The following TECPR1 variants were observed in gnomAD, a reference collection of about 807,000 sequenced individuals.
The protein encoded by TECPR1 is tectonin beta-propeller repeat-containing protein 1.
TECPR1 carries 122 observed loss-of-function variants against 162.4 expected under a neutral mutation model. That is an observed-to-expected ratio of 0.75 (90% confidence interval 0.65 to 0.87). The LOEUF is 0.87. TECPR1 is among the 40% of genes least tolerant of loss of function. The probability of loss-of-function intolerance (pLI) is 0.00; values close to 1 mark genes in which losing one functional copy is unlikely to be tolerated. For missense variants in TECPR1, 1,432 were observed against 1,618.2 expected (o/e 0.88, Z 1.97); for synonymous variants, 642 against 670.6 (o/e 0.96, Z 0.66).
At chr7:98,234,039 C>T (rs1798528824) in intron 10 of TECPR1, 128 bp from the exon 11 acceptor site, 2 of 1,232,980 alleles carry the variant, frequency 1.6e-6, no homozygotes, top group Non-Finnish European at 2.2e-6. Flanking sequence ...CCTCTCTGAA[C>T]TCCTGTCTCT....
In TECPR1 at chr7:98,246,088, G is replaced by A. The variant is rs1199353367; in HGVS notation, c.59C>T (p.Thr20Ile). ...DLFGRVYTLS[T>I]AGQYWEMCKD... ...GCACATTTCCCAGTACTGGCCTGCT[G>A]TGGACAGCGTGTACACTCTCCCGAA... Residue 20 changes from threonine to isoleucine, a missense_variant, in exon 3 of 26, where the codon ACA becomes ATA. Transcript: ENST00000447648. The A allele has an allele frequency of 1.3e-6, 2 of 1,560,558 alleles. No homozygotes were observed. Among genetic ancestry groups the A allele is most frequent in the Non-Finnish European group, 8.7e-7 (1 of 1,153,166 alleles).
intron 23 of TECPR1, among the ~76,000 whole-genome samples, chr7:98,218,678 T>C (rs1486056045): frequency 1.3e-5 from 2 of 152,172 alleles, no homozygotes; most frequent in Admixed American, 6.5e-5. Flanking sequence ...AAGATCTCTA[T>C]AAGGAGAACT....
rs538822682 is a variant in TECPR1 at position 98,217,434 on chromosome 7, C to A, written c.3454G>T (p.Glu1152Ter). ...RAPRSSSQEQ[E>*]PSAPPEAHGP... ...TGGGCCTCTGGTGGGGCACTCGGCT[C>A]CTGCTCCTGGGACGAGCTCCGGGGG... The change falls in exon 26 of 26, where the codon GAG becomes TAG. Residue 1152 changes from glutamate to a stop codon, truncating the protein, a stop_gained. Transcript: ENST00000447648. LOFTEE classifies it high-confidence loss of function. 6.2e-7 allele frequency: 1 copy of A among 1,609,132 alleles called. No homozygotes were observed. The highest frequency in any genetic ancestry group is 8.5e-7 in the Non-Finnish European group (1 of 1,177,928).
intron 17 of TECPR1, among the ~76,000 whole-genome samples, chr7:98,226,154 G>A (rs530047534): frequency 3.3e-5 from 5 of 152,290 alleles, no homozygotes; most frequent in East Asian, 3.9e-4. Flanking sequence ...GTCCTCCGTC[G>A]GAACTGAGGA....
intron 9 of TECPR1, among the ~76,000 whole-genome samples, 171 bp from the exon 10 acceptor site, chr7:98,237,092 G>C (rs1798623491): frequency 6.6e-6 from 1 of 151,880 alleles, no homozygotes; most frequent in Admixed American, 6.6e-5. Context: ...CTGGAAGGGG[G>C]CTCAGGAGAA....
At chr7:98,224,763 G>A in intron 19 of TECPR1, 38 bp downstream of exon 19, 2 of 1,543,742 alleles carry the variant, frequency 1.3e-6, no homozygotes, top group South Asian at 2.4e-5. Context: ...CTGACATTCA[G>A]GACCCAGCCC....
intron 23 of TECPR1, among the ~76,000 whole-genome samples, chr7:98,220,551 C>T (rs898708278): frequency 1.4e-5 from 2 of 141,848 alleles, no homozygotes; most frequent in African/African-American, 5.3e-5. Flanking sequence ...TAGGTGCGCA[C>T]TACCACATCT....
At position 98,217,046 on chromosome 7, in the gene TECPR1, G is replaced by A. The variant is rs930333780; in HGVS notation, c.*344C>T. 17 of 235,262 alleles carry A rather than the reference G, an allele frequency of 7.2e-5. No homozygotes were observed. Among genetic ancestry groups the A allele is most frequent in the East Asian group, 1.8e-4 (2 of 10,846 alleles). The allele number at this position is 235,262 out of a possible 1,614,324, so 14.6% of individuals were successfully genotyped here. On this transcript the variant is annotated 3_prime_UTR_variant, in exon 26 of 26. Transcript: ENST00000447648. ...ATCCTGGCTCTGCTGCCCCAGGGCC[G>A]GCGTTCCCGGAGGGCTCCAGGTTCC...
chr7:98,243,365 G>A, intron 6 of TECPR1, 102 bp downstream of exon 6: 1 of 1,464,060 alleles, frequency 6.8e-7, no homozygotes, highest in Non-Finnish European at 9.2e-7. Context: ...GGGTGGGGGG[G>A]CCGGGGCTCC....
Position 98,233,476 on chromosome 7 carries a change from T to A in TECPR1, c.1617A>T (p.Gly539=). ...DDHPLWAWVS[G]GGCVVEACAM... is the part of the protein sequence containing the mutation. Reference sequence around the variant, plus strand: ...CACATGCCTCCACCACGCAGCCGCCTCCCGACACCCAGGCCCACAGCGGGT... The same window carrying A: ...CACATGCCTCCACCACGCAGCCGCCACCCGACACCCAGGCCCACAGCGGGT... The change falls in exon 11 of 26, where the codon GGA becomes GGT. Residue 539 remains glycine, a synonymous_variant. Transcript: ENST00000447648. The A allele has an allele frequency of 6.7e-7, 1 of 1,484,732 alleles. No homozygotes were observed. The highest frequency in any genetic ancestry group is 8.9e-7 in the Non-Finnish European group (1 of 1,119,694). 92.0% of individuals were successfully genotyped at this position (1,484,732 alleles called of 1,614,324 possible). A position where few individuals can be genotyped will look rare whatever the true frequency, so the allele number is the denominator to read the frequency against.
chr7:98,240,899 G>A lies in TECPR1; in HGVS notation c.885C>T (p.His295=). ...EPPGSENGVM[H]ISVGVSVVWA... is the part of the protein sequence containing the mutation. Reference sequence around the variant, plus strand: ...AGACCACGCTGACTCCCACCGAGATGTGCATGACCCCGTTTTCAGATCCAG... The same window carrying A: ...AGACCACGCTGACTCCCACCGAGATATGCATGACCCCGTTTTCAGATCCAG... Residue 295 remains histidine (H), a synonymous_variant, in exon 8 of 26, where the codon CAC becomes CAT. Coordinates refer to ENST00000447648, the MANE Select transcript of TECPR1 (RefSeq NM_015395.3). 1.2e-6 allele frequency: 2 copies of A among 1,609,654 alleles called. No homozygotes were observed. The highest frequency in any genetic ancestry group is 1.7e-6 in the Non-Finnish European group (2 of 1,179,062).
At position 98,224,892 on chromosome 7, in the gene TECPR1, G is replaced by C; in HGVS notation, c.2611-12C>G. The C allele has an allele frequency of 6.4e-7, 1 of 1,557,296 alleles. No individual in the cohort carries two copies. Among genetic ancestry groups the C allele is most frequent in the Non-Finnish European group, 8.7e-7 (1 of 1,150,832 alleles). On this transcript the variant is annotated splice_polypyrimidine_tract_variant and intron_variant, in intron 18 of 25. Coordinates refer to ENST00000447648, the MANE Select transcript of TECPR1 (RefSeq NM_015395.3). Reference sequence around the variant, plus strand: ...AACCAGTCGGAAACCTGGGAGGAGTGGGTCAGTGAGGATGGGACCCCCCGA... The same window carrying C: ...AACCAGTCGGAAACCTGGGAGGAGTCGGTCAGTGAGGATGGGACCCCCCGA...
chr7:98,227,941 G>T lies in TECPR1; in HGVS notation c.2513+73C>A. On this transcript the variant is annotated intron_variant, in intron 17 of 25. Transcript: ENST00000447648. ...TACTGGACTCCACGCTACGGTGGATGTTGCTGTCCTATTTTTGCCAGGACT... is the reference window on the plus strand; with the variant it reads ...TACTGGACTCCACGCTACGGTGGATTTTGCTGTCCTATTTTTGCCAGGACT... 9 of 1,252,626 alleles carry T rather than the reference G, an allele frequency of 7.2e-6. No homozygotes were observed. The South Asian group carries it at 1.0e-4, about 14-fold the overall frequency. The allele number at this position is 1,252,626 out of a possible 1,614,324, so 77.6% of individuals were successfully genotyped here. A position where few individuals can be genotyped will look rare whatever the true frequency, so the allele number is the denominator to read the frequency against.
intron 2 of TECPR1, among the ~76,000 whole-genome samples, chr7:98,247,392 C>T (rs58699591): frequency 0.18 from 27,697 of 151,878 alleles, 2,674 homozygotes; most frequent in South Asian, 0.29. Flanking sequence ...CCTCCCATCT[C>T]GGCCTCCCAA....
In TECPR1 at chr7:98,224,869, C is replaced by A. The variant is rs1798237419; in HGVS notation, c.2622G>T (p.Trp874Cys). The A allele has an allele frequency of 1.3e-6, 2 of 1,564,078 alleles. No individual in the cohort carries two copies. Among genetic ancestry groups the A allele is most frequent in the South Asian group, 1.2e-5 (1 of 84,840 alleles). ...CCCCCGGAACGCTGAAATCCACGAACCAGTCGGAAACCTGGGAGGAGTGGG... is the reference window on the plus strand; with the variant it reads ...CCCCCGGAACGCTGAAATCCACGAAACAGTCGGAAACCTGGGAGGAGTGGG... Reference protein sequence around the residue: ...PSLQWAWVSDWFVDFSVPGGT... With the variant: ...PSLQWAWVSDCFVDFSVPGGT... Residue 874 changes from tryptophan to cysteine, a missense_variant, in exon 19 of 26, where the codon TGG becomes TGT. Transcript: ENST00000447648.
At chr7:98,246,588 GTTTA>G (rs1562946128) in intron 2 of TECPR1, among the ~76,000 whole-genome samples, 1 of 147,072 alleles carries the variant, frequency 6.8e-6, no homozygotes, top group East Asian at 2.1e-4. Flanking sequence ...TTCTTTTTTT[GTTTA>G]TTTTTTTGAG....
intron 10 of TECPR1, among the ~76,000 whole-genome samples, chr7:98,235,659 G>A (rs1798577377): frequency 6.7e-6 from 1 of 149,880 alleles, no homozygotes; most frequent in South Asian, 2.1e-4. Flanking sequence ...GGGAAACCCT[G>A]TCTCTACTAA....
At position 98,231,096 on chromosome 7, in the gene TECPR1, C is replaced by T; in HGVS notation, c.2147G>A (p.Cys716Tyr). 6.2e-7 allele frequency: 1 copy of T among 1,603,654 alleles called. No individual in the cohort carries two copies. The highest frequency in any genetic ancestry group is 1.1e-5 in the South Asian group (1 of 89,724). The change falls in exon 15 of 26, where the codon TGC (cysteine) becomes TAC (tyrosine). Residue 716 changes from cysteine (C) to tyrosine (Y), a missense_variant. Cys to Tyr is a radical substitution (Grantham distance 194). Coordinates refer to ENST00000447648, the MANE Select transcript of TECPR1 (RefSeq NM_015395.3). ...NDWLALLSLSCCESRKVQGRP... is the reference protein window; with the variant it reads ...NDWLALLSLSYCESRKVQGRP... ...GCCCTGCACCTTCCGGCTCTCGCAG[C>T]AAGACAGGCTGAGCAGGGCGAGCTG...
At chr7:98,220,759 T>C (rs1387977366) in intron 23 of TECPR1, among the ~76,000 whole-genome samples, 1 of 151,990 alleles carries the variant, frequency 6.6e-6, no homozygotes, top group African/African-American at 2.4e-5. Flanking sequence ...AGGGTTTCAC[T>C]GTTAGCCAGG....
Sources: allele counts gnomAD v4.1 joint callset (sites outside exome capture counted in the v4.1 genomes callset), GRCh38; gene constraint gnomAD v4.1.1; transcripts MANE v1.5; gene names NCBI Gene and HGNC (gene_info 2026-07-23, HGNC 2026-07-21).